The following DCDC1 variants were observed in gnomAD, a reference collection of about 807,000 sequenced individuals.
DCDC1 encodes the protein doublecortin domain-containing protein 1.
Under a neutral mutation model 178.3 loss-of-function variants are expected in DCDC1, and 200 were observed. The observed-to-expected ratio is 1.12, with a 90% CI of 1.00 to 1.26. DCDC1 has a LOEUF of 1.26. DCDC1 is among the 50% of genes most tolerant of loss of function. The pLI is 0.00. For missense variants in DCDC1, 1,983 were observed against 1,749.2 expected, an observed-to-expected ratio of 1.13 and a Z score of -2.38; for synonymous variants, 690 against 604.8, an observed-to-expected ratio of 1.14 and a Z score of -2.07.
At chr11:30,873,458 A>T in intron 38 of DCDC1, among the ~76,000 whole-genome samples, 1 of 151,774 alleles carries the variant, frequency 6.6e-6, no homozygotes, top group East Asian at 1.9e-4. Context: ...TTTCCAAGGA[A>T]AGTGTCTGTC....
intron 14 of DCDC1, among the ~76,000 whole-genome samples, chr11:31,102,908 A>G (rs1054757929): frequency 6.6e-6 from 1 of 152,184 alleles, no homozygotes; most frequent in African/African-American, 2.4e-5. Context: ...CTGGGTTAGA[A>G]TCCTGGCTCT....
chr11:31,144,387 T>A (rs1964206297), intron 9 of DCDC1, among the ~76,000 whole-genome samples: 1 of 152,146 alleles, frequency 6.6e-6, no homozygotes, highest in Admixed American at 6.5e-5. Context: ...TCCACCAGCC[T>A]CGGCTTCCCA....
chr11:31,087,609 T>C (rs1957557079), intron 17 of DCDC1, among the ~76,000 whole-genome samples: 1 of 152,128 alleles, frequency 6.6e-6, no homozygotes, highest in Non-Finnish European at 1.5e-5. Context: ...GGGTTTGTTA[T>C]AAATGTGTTC....
intron 11 of DCDC1, among the ~76,000 whole-genome samples, chr11:31,125,214 A>G (rs186455901): frequency 5.9e-5 from 9 of 152,302 alleles, no homozygotes; most frequent in African/African-American, 2.2e-4. Flanking sequence ...TGCAAATCAA[A>G]ACCACAATGA....
At chr11:31,005,330 G>A (rs1480041014) in intron 20 of DCDC1, among the ~76,000 whole-genome samples, 1 of 152,094 alleles carries the variant, frequency 6.6e-6, no homozygotes, top group Non-Finnish European at 1.5e-5. Flanking sequence ...TCCCATTGCA[G>A]CCCAGATCTT....
chr11:30,928,070 T>A (rs1488292307), intron 22 of DCDC1, among the ~76,000 whole-genome samples: 2 of 152,168 alleles, frequency 1.3e-5, no homozygotes, highest in Non-Finnish European at 2.9e-5. Context: ...TGAGAGGTGT[T>A]TGAGTCATGA....
At chr11:30,989,922 T>C (rs181141917) in intron 20 of DCDC1, among the ~76,000 whole-genome samples, 16 of 152,210 alleles carry the variant, frequency 1.1e-4, no homozygotes, top group African/African-American at 3.6e-4. Flanking sequence ...GACTCGTGTC[T>C]TAATTTGGAG....
At chr11:31,044,533 T>C (rs1954698102) in intron 20 of DCDC1, among the ~76,000 whole-genome samples, 1 of 150,126 alleles carries the variant, frequency 6.7e-6, no homozygotes, top group African/African-American at 2.5e-5. Context: ...CTGCTAGCTC[T>C]GAAGATGGAA....
chr11:31,337,981 A>G (rs865831499), intron 1 of DCDC1, among the ~76,000 whole-genome samples: 1 of 152,182 alleles, frequency 6.6e-6, no homozygotes, highest in Non-Finnish European at 1.5e-5. Context: ...TCTCATGCCC[A>G]CATTTGTATC....
At chr11:30,978,827 C>CACACACACACA (rs1554991411) in intron 20 of DCDC1, among the ~76,000 whole-genome samples, 19 of 140,530 alleles carry the variant, frequency 1.4e-4, no homozygotes, top group Middle Eastern at 3.2e-3. Flanking sequence ...CACACACACA[C>CACACACACACA]CCCCTTCTCA....
rs114452241 is a variant in DCDC1 at position 30,874,394 on chromosome 11, T to A, written c.*40+4150A>T. ...AGAATCATATTAAGGAAGTATCTCT[T>A]GCCAATACACAAATTGTTCCAGGAA... is the stretch of plus-strand genomic sequence containing the variant. On this transcript the variant is annotated intron_variant, in intron 38 of 38. Coordinates refer to ENST00000684477, the MANE Select transcript of DCDC1 (RefSeq NM_001387274.1). 3.7e-3 allele frequency among the ~76,000 whole-genome samples: 557 copies of A among 152,272 alleles called. 2 individuals are homozygous for A. Among genetic ancestry groups the A allele is most frequent in the African/African-American group, 0.013 (544 of 41,556 alleles).
intron 9 of DCDC1, among the ~76,000 whole-genome samples, chr11:31,177,710 A>G (rs1300517098): frequency 6.6e-6 from 1 of 152,200 alleles, no homozygotes; most frequent in Non-Finnish European, 1.5e-5. Flanking sequence ...AAACCAAAGC[A>G]GCAAGAGTAG....
chr11:30,996,685 C>A (rs1333841167), intron 20 of DCDC1, among the ~76,000 whole-genome samples: 1 of 152,216 alleles, frequency 6.6e-6, no homozygotes, highest in Non-Finnish European at 1.5e-5. Context: ...CTTCACTTGA[C>A]AACCAAACAT....
At chr11:31,193,543 C>CT (rs1176222273) in intron 9 of DCDC1, among the ~76,000 whole-genome samples, 2 of 152,010 alleles carry the variant, frequency 1.3e-5, no homozygotes, top group African/African-American at 4.8e-5. Context: ...GTTTCTTTGA[C>CT]TTTTTTCTCT....
chr11:31,298,743 C>G (rs914347934), intron 6 of DCDC1, among the ~76,000 whole-genome samples: 1 of 152,198 alleles, frequency 6.6e-6, no homozygotes, highest in Non-Finnish European at 1.5e-5. Context: ...AAGCCAATGT[C>G]TGTCACAAAA....
At chr11:31,200,501 C>A (rs1591382728) in intron 9 of DCDC1, among the ~76,000 whole-genome samples, 2 of 151,990 alleles carry the variant, frequency 1.3e-5, no homozygotes. Flanking sequence ...GGAAAAAATT[C>A]TCCTTTTTGT....
chr11:31,126,793 T>C (rs1961691736), intron 11 of DCDC1, among the ~76,000 whole-genome samples: 1 of 152,196 alleles, frequency 6.6e-6, no homozygotes, highest in Non-Finnish European at 1.5e-5. Context: ...ATGGAATATC[T>C]GCTATGAAAA....
At chr11:30,935,407 C>A (rs1024532296) in intron 21 of DCDC1, among the ~76,000 whole-genome samples, 1 of 152,192 alleles carries the variant, frequency 6.6e-6, no homozygotes, top group Non-Finnish European at 1.5e-5. Context: ...TGGGATGCTA[C>A]CGTCTTCGTT....
intron 9 of DCDC1, among the ~76,000 whole-genome samples, chr11:31,147,698 T>C (rs1452058778): frequency 3.9e-5 from 6 of 152,146 alleles, no homozygotes; most frequent in African/African-American, 1.2e-4. Context: ...ATGTGACATA[T>C]CTATTAGGGC....
Sources: gnomAD v4.1 joint callset for allele counts (sites outside exome capture counted in the v4.1 genomes callset) on GRCh38, gnomAD v4.1.1 for gene constraint, MANE v1.5 for transcripts, NCBI Gene and HGNC (gene_info 2026-07-23, HGNC 2026-07-21) for gene names.